The following XPO7 variants were observed in gnomAD, a reference collection of about 807,000 sequenced individuals.
XPO7 encodes the protein exportin 7.
In XPO7, 21 loss-of-function variants were observed where a neutral mutation model predicts 144.3. The ratio of observed to expected loss-of-function variants is 0.15; its 90% CI spans 0.10 to 0.21. XPO7 has a LOEUF of 0.21. Ranked by LOEUF, XPO7 falls within the 10% of genes least tolerant of loss-of-function variation. The pLI is 1.00. For missense variants in XPO7, 808 were observed against 1,325.8 expected, an observed-to-expected ratio of 0.61 and a Z score of 6.06; for synonymous variants, 580 against 499.6, an observed-to-expected ratio of 1.16 and a Z score of -2.15.
chr8:21,998,604 C>G (rs1813032154), intron 21 of XPO7, 151 bp from the exon 22 acceptor site: 2 of 590,412 alleles, frequency 3.4e-6, no homozygotes. Context: ...GGTTAAATAT[C>G]TATAACTTGG....
intron 1 of XPO7, among the ~76,000 whole-genome samples, chr8:21,959,508 G>C (rs1257093852): frequency 6.6e-6 from 1 of 152,152 alleles, no homozygotes; most frequent in Non-Finnish European, 1.5e-5. Flanking sequence ...CCATTACTCT[G>C]TACTGAATCA....
intron 1 of XPO7, among the ~76,000 whole-genome samples, chr8:21,939,251 C>T (rs1250498791): frequency 7.4e-5 from 10 of 134,972 alleles, no homozygotes; most frequent in African/African-American, 1.7e-4. Context: ...GATGGAGTTT[C>T]GCTCTTCTTG....
chr8:21,947,971 G>T (rs946918756), intron 1 of XPO7, among the ~76,000 whole-genome samples: 3 of 152,192 alleles, frequency 2.0e-5, no homozygotes, highest in Non-Finnish European at 4.4e-5. Flanking sequence ...ATGTTTGAAA[G>T]CCCAGAGGAA....
chr8:22,004,485 CTT>C (rs1352169929), intron 27 of XPO7, among the ~76,000 whole-genome samples: 1 of 152,096 alleles, frequency 6.6e-6, no homozygotes, highest in African/African-American at 2.4e-5. Flanking sequence ...TTGCAATTAA[CTT>C]TTAAATTTTA....
At position 21,961,864 on chromosome 8, in the gene XPO7, C is replaced by T. The variant is rs186490219; in HGVS notation, c.19-4993C>T. Among the ~76,000 whole-genome samples, 62 of 152,278 alleles carry T rather than the reference C, an allele frequency of 4.1e-4. 1 individual carries two copies. The East Asian group carries it at 0.011, about 28-fold the overall frequency. ...TTTTAGTAGAGACGGGGTTTCATCA[C>T]GTCGGCCATGCCGGTCTCAAACTGC... On this transcript the variant is annotated intron_variant, in intron 1 of 27. Coordinates refer to ENST00000252512, the MANE Select transcript of XPO7 (RefSeq NM_015024.5).
Position 21,969,518 on chromosome 8 carries a change from T to C in XPO7, c.201T>C (p.Leu67=). 2 of 1,613,846 alleles carry C rather than the reference T, an allele frequency of 1.2e-6. No individual in the cohort carries two copies. The highest frequency in any genetic ancestry group is 1.3e-5 in the African/African-American group (1 of 75,056). Residue 67 remains leucine, a synonymous_variant, in exon 3 of 28, where the codon CTT becomes CTC. Coordinates refer to ENST00000252512, the MANE Select transcript of XPO7 (RefSeq NM_015024.5). Reference sequence around the variant, plus strand: ...CCCAGTTACTGGCAGCTACATGCCTTACCAAGCTTGTATCACGCACAAACA... The same window carrying C: ...CCCAGTTACTGGCAGCTACATGCCTCACCAAGCTTGTATCACGCACAAACA... ...SYSQLLAATC[L]TKLVSRTNNP...
At chr8:22,002,303 T>G (rs886191797) in intron 25 of XPO7, 31 bp downstream of exon 25, 37 of 1,604,330 alleles carry the variant, frequency 2.3e-5, no homozygotes, top group Non-Finnish European at 3.1e-5. Flanking sequence ...GAGGCAGTGA[T>G]GGGGTGTCCG....
At position 21,981,237 on chromosome 8, in the gene XPO7, A is replaced by G. The variant is rs35226157; in HGVS notation, c.958-494A>G. Among the ~76,000 whole-genome samples the G allele has an allele frequency of 3.0e-3, 453 of 152,364 alleles. 3 individuals carry two copies. The highest frequency in any genetic ancestry group is 3.4e-3 in the Non-Finnish European group (234 of 68,038). ...ATATCATATAAATACTACTATATGA[A>G]TAAATTACAGTAAGTGATATAAATA... is the stretch of plus-strand genomic sequence containing the variant. On this transcript the variant is annotated intron_variant, in intron 9 of 27. Transcript: ENST00000252512.
At chr8:21,983,085 C>A (rs1812457719) in intron 11 of XPO7, among the ~76,000 whole-genome samples, 1 of 152,140 alleles carries the variant, frequency 6.6e-6, no homozygotes, top group Admixed American at 6.6e-5. Flanking sequence ...TAATGTTTGT[C>A]CTTGCCGCTG....
At position 21,982,826 on chromosome 8, in the gene XPO7, G is replaced by A; in HGVS notation, c.1277+14G>A. ...CATCATACTGAGGTAAGGAAACTTA[G>A]CCTCATTCATTCCCGCACCAGTGGC... On this transcript the variant is annotated intron_variant, in intron 11 of 27. Coordinates refer to ENST00000252512, the MANE Select transcript of XPO7 (RefSeq NM_015024.5). 1 of 1,585,082 alleles carries A rather than the reference G, an allele frequency of 6.3e-7. No homozygotes were observed. The highest frequency in any genetic ancestry group is 8.6e-7 in the Non-Finnish European group (1 of 1,168,626).
chr8:21,941,100 T>C (rs1241849632), intron 1 of XPO7, among the ~76,000 whole-genome samples: 1 of 151,816 alleles, frequency 6.6e-6, no homozygotes, highest in African/African-American at 2.4e-5. Context: ...AATGGATTAG[T>C]ATTTGCATAT....
At chr8:21,936,703 T>C (rs1427906483) in intron 1 of XPO7, among the ~76,000 whole-genome samples, 3 of 152,214 alleles carry the variant, frequency 2.0e-5, no homozygotes, top group African/African-American at 7.2e-5. Flanking sequence ...AGTTCTTCTG[T>C]TTAAAAATGA....
At chr8:21,941,876 G>A (rs954849533) in intron 1 of XPO7, among the ~76,000 whole-genome samples, 2 of 152,126 alleles carry the variant, frequency 1.3e-5, no homozygotes, top group Non-Finnish European at 2.9e-5. Context: ...GTTGAGTTGG[G>A]GTCTCAGGAT....
chr8:21,978,110 G>T (rs1812286130), intron 8 of XPO7, among the ~76,000 whole-genome samples: 1 of 152,236 alleles, frequency 6.6e-6, no homozygotes, highest in Admixed American at 6.5e-5. Context: ...ACTTTATGCT[G>T]TTCCTCAAAC....
intron 7 of XPO7, 135 bp from the exon 8 acceptor site, chr8:21,977,635 C>G (rs1266932168): frequency 1.3e-6 from 1 of 768,346 alleles, no homozygotes; most frequent in African/African-American, 1.8e-5. Flanking sequence ...ATTTGCTTAT[C>G]ACTTCCAAAG....
intron 1 of XPO7, chr8:21,966,172 C>T (rs1811876536): frequency 1.5e-6 from 1 of 674,964 alleles, no homozygotes; most frequent in South Asian, 1.7e-5. Flanking sequence ...GGGTGTTTCC[C>T]TTGTCTTATC....
intron 1 of XPO7, among the ~76,000 whole-genome samples, chr8:21,932,951 T>A (rs537525975): frequency 6.6e-6 from 1 of 152,290 alleles, no homozygotes; most frequent in South Asian, 2.1e-4. Context: ...TTGACCTTTG[T>A]TAGAGAATCA....
At chr8:21,974,828 G>C in intron 6 of XPO7, 54 bp downstream of exon 6, 3 of 1,374,856 alleles carry the variant, frequency 2.2e-6, no homozygotes, top group Middle Eastern at 3.6e-4. Context: ...GAATGAGAAT[G>C]GATGGGAACT....
chr8:21,922,017 G>A (rs1370967852), intron 1 of XPO7, among the ~76,000 whole-genome samples: 1 of 152,160 alleles, frequency 6.6e-6, no homozygotes, highest in Admixed American at 6.5e-5. Context: ...AAGACAGTCT[G>A]CAATGCATTG....
Sources: allele counts gnomAD v4.1 joint callset (sites outside exome capture counted in the v4.1 genomes callset), GRCh38; gene constraint gnomAD v4.1.1; transcripts MANE v1.5; gene names NCBI Gene and HGNC (gene_info 2026-07-23, HGNC 2026-07-21).